Variants in SARS1 observed in about 807,000 individuals in gnomAD.
The protein encoded by SARS1 is serine--tRNA ligase, cytoplasmic.
Under a neutral mutation model 63.7 loss-of-function variants are expected in SARS1, and 25 were observed. The ratio of observed to expected loss-of-function variants is 0.39; its 90% CI spans 0.29 to 0.55. The LOEUF (loss-of-function observed/expected upper bound fraction) is 0.55. SARS1 is among the 20% of genes least tolerant of loss of function. The pLI is 0.62. For synonymous variants in SARS1, 231 were observed against 243.5 expected (o/e 0.95, Z 0.48); for missense variants, 417 against 649.7 (o/e 0.64, Z 3.89).
intron 2 of SARS1, among the ~76,000 whole-genome samples, chr1:109,224,661 T>TA (rs1350610564): frequency 1.3e-5 from 2 of 152,192 alleles, no homozygotes; most frequent in African/African-American, 4.8e-5. Flanking sequence ...CAAGTAATGT[T>TA]ACTGGCCTTC....
At chr1:109,236,187 A>G in intron 8 of SARS1, 81 bp downstream of exon 8, 1 of 1,489,528 alleles carries the variant, frequency 6.7e-7, no homozygotes, top group Non-Finnish European at 9.1e-7. Flanking sequence ...CCACACAGAG[A>G]AACAGCTCAC....
intron 3 of SARS1, 126 bp from the exon 4 acceptor site, chr1:109,229,288 C>T: frequency 1.1e-6 from 1 of 923,852 alleles, no homozygotes; most frequent in Non-Finnish European, 1.7e-6. Context: ...GTCTTCGTTT[C>T]CAGTTTTTAA....
intron 9 of SARS1, chr1:109,236,866 A>G: frequency 1.3e-6 from 2 of 1,599,654 alleles, no homozygotes; most frequent in Non-Finnish European, 1.7e-6. Flanking sequence ...TTCTCACCCA[A>G]GAAGGTCTGG....
intron 1 of SARS1, among the ~76,000 whole-genome samples, chr1:109,218,460 CT>C (rs1644613895): frequency 1.4e-5 from 2 of 143,128 alleles, no homozygotes; most frequent in Admixed American, 7.1e-5. Context: ...ATGTTTTACA[CT>C]TAAAGCACCA....
chr1:109,222,000 ATATATATATATTTTTTTTTTTTTTTT>A (rs1377648339), intron 1 of SARS1, among the ~76,000 whole-genome samples: 613 of 14,938 alleles, frequency 0.041, 31 homozygotes, highest in African/African-American at 0.13. Flanking sequence ...ATATATATAT[ATATATATATATTTTTTTTTTTTTTTT>A]TTTTTTTTTT....
chr1:109,231,068 A>AT (rs1557718445), intron 5 of SARS1, 47 bp downstream of exon 5: 1 of 931,148 alleles, frequency 1.1e-6, no homozygotes, highest in Admixed American at 5.1e-5. Flanking sequence ...AAAGAAACAA[A>AT]ATATATATAT....
intron 1 of SARS1, among the ~76,000 whole-genome samples, chr1:109,219,760 G>A (rs749721005): frequency 3.3e-5 from 5 of 152,014 alleles, no homozygotes; most frequent in Admixed American, 1.3e-4. Context: ...TGATCCACCC[G>A]CCTTGGCCTC....
intron 1 of SARS1, among the ~76,000 whole-genome samples, chr1:109,222,541 C>CGA (rs1654972931): frequency 6.6e-6 from 1 of 152,208 alleles, no homozygotes; most frequent in Admixed American, 6.5e-5. Flanking sequence ...AACCACTAAT[C>CGA]TATTATCCAT....
intron 5 of SARS1, chr1:109,231,223 G>A (rs1655204874): frequency 3.3e-6 from 1 of 298,992 alleles, no homozygotes; most frequent in Non-Finnish European, 5.8e-6. Context: ...TCAGGATTCC[G>A]TAGAACAAAA....
chr1:109,215,358 T>C (rs757096689), intron 1 of SARS1: 30 of 985,452 alleles, frequency 3.0e-5, no homozygotes, highest in Non-Finnish European at 3.5e-5. Flanking sequence ...CCTTAGCCAG[T>C]GCTAAATGAC....
chr1:109,216,667 C>A, intron 1 of SARS1: 1 of 839,808 alleles, frequency 1.2e-6, no homozygotes, highest in Non-Finnish European at 1.4e-6. Flanking sequence ...CAAGGTCTCA[C>A]TGTGTCACCC....
Position 109,237,126 on chromosome 1 carries a change from T to C in SARS1, c.1258-118T>C. 3 of 1,458,376 alleles carry C rather than the reference T, an allele frequency of 2.1e-6. No homozygotes were observed. The East Asian group carries it at 6.9e-5, about 33-fold the overall frequency. The allele number at this position is 1,458,376 out of a possible 1,614,324, so 90.3% of individuals were successfully genotyped here. ...AAAAGTTGCTAAGGGGTAGAACCCA[T>C]CATTTTGATTTGGACAGTTGTGGTT... is the stretch of plus-strand genomic sequence containing the variant. On this transcript the variant is annotated intron_variant, in intron 9 of 10. Transcript: ENST00000234677. This position sits in a 1 kb window ranked among gnomAD's most constrained non-coding sequence, Gnocchi z 4.1.
chr1:109,236,282 T>C, intron 8 of SARS1, 109 bp from the exon 9 acceptor site: 1 of 1,341,254 alleles, frequency 7.5e-7, no homozygotes, highest in Non-Finnish European at 1.0e-6. Flanking sequence ...TGGGTGTGAT[T>C]TCACCTCTGG....
At chr1:109,230,295 A>C (rs957445917) in intron 4 of SARS1, among the ~76,000 whole-genome samples, 1 of 152,092 alleles carries the variant, frequency 6.6e-6, no homozygotes, top group African/African-American at 2.4e-5. Flanking sequence ...AACAAAAAAA[A>C]CCCCCGAGAG....
chr1:109,230,766 T>C (rs2101200653), intron 4 of SARS1, 112 bp from the exon 5 acceptor site: 1 of 911,128 alleles, frequency 1.1e-6, no homozygotes. Context: ...GATTGTGCCA[T>C]TGCACTCCAG....
Position 109,237,568 on chromosome 1 carries a change from G to A in SARS1, c.1388-163G>A, listed in dbSNP as rs763277614. 5.9e-5 allele frequency among the ~76,000 whole-genome samples: 9 copies of A among 152,196 alleles called. No individual in the cohort carries two copies. The highest frequency in any genetic ancestry group is 1.3e-4 in the Non-Finnish European group (9 of 68,044). On this transcript the variant is annotated intron_variant, in intron 10 of 10. Coordinates refer to ENST00000234677, the MANE Select transcript of SARS1 (RefSeq NM_006513.4). This position sits in a 1 kb window ranked among gnomAD's most constrained non-coding sequence, Gnocchi z 4.1. ...AGTGCAGGTATGATGTTGAAATGCTGCTAAAATTCAGACTAGGGAAGAAAA... is the reference window on the plus strand; with the variant it reads ...AGTGCAGGTATGATGTTGAAATGCTACTAAAATTCAGACTAGGGAAGAAAA...
rs762153708 is a variant in SARS1 at position 109,237,793 on chromosome 1, C to A, written c.1450C>A (p.Gln484Lys). 6 of 1,614,048 alleles carry A rather than the reference C, an allele frequency of 3.7e-6. No homozygotes were observed. Among genetic ancestry groups the A allele is most frequent in the African/African-American group, 2.7e-5 (2 of 74,888 alleles). Reference sequence around the variant, plus strand: ...CATTGAGCAGGAGCCATCAAAGAAGCAGAAGAAGCAACATGAGGGCAGCAA... The same window carrying A: ...CATTGAGCAGGAGCCATCAAAGAAGAAGAAGAAGCAACATGAGGGCAGCAA... ...APIEQEPSKK[Q>K]KKQHEGSKKK... Residue 484 changes from glutamine (Q) to lysine (K), a missense_variant, in exon 11 of 11, where the codon CAG (glutamine) becomes AAG (lysine). Coordinates refer to ENST00000234677, the MANE Select transcript of SARS1 (RefSeq NM_006513.4). This position sits in a 1 kb window ranked among gnomAD's most constrained non-coding sequence, Gnocchi z 4.1.
intron 4 of SARS1, among the ~76,000 whole-genome samples, chr1:109,229,847 T>A (rs1177329032): frequency 6.6e-6 from 1 of 152,164 alleles, no homozygotes; most frequent in Non-Finnish European, 1.5e-5. Context: ...AGCAGGCATC[T>A]CGTGGGAGGG....
At position 109,228,313 on chromosome 1, in the gene SARS1, C is replaced by A. The variant is rs763044472; in HGVS notation, c.208-39C>A. On this transcript the variant is annotated intron_variant, in intron 2 of 10. Transcript: ENST00000234677. Reference sequence around the variant, plus strand: ...TTTATAAAACAATGCCAGAGATTTTCTTTTATTTATTTGTGTTGGGTTTTT... The same window carrying A: ...TTTATAAAACAATGCCAGAGATTTTATTTTATTTATTTGTGTTGGGTTTTT... The A allele has an allele frequency of 4.2e-6, 6 of 1,429,296 alleles. No individual in the cohort carries two copies. The South Asian group carries it at 7.2e-5, about 17-fold the overall frequency. 88.5% of individuals were successfully genotyped at this position (1,429,296 alleles called of 1,614,324 possible).
Sources: allele counts gnomAD v4.1 joint callset (sites outside exome capture counted in the v4.1 genomes callset), GRCh38; gene constraint gnomAD v4.1.1; non-coding constraint Gnocchi (gnomAD v3.1); transcripts MANE v1.5; gene names NCBI Gene and HGNC (gene_info 2026-07-23, HGNC 2026-07-21).